Variants in OSBPL11 observed in about 807,000 individuals in gnomAD.
OSBPL11 encodes the protein oxysterol-binding protein-related protein 11.
In OSBPL11, 33 loss-of-function variants were observed where a neutral mutation model predicts 84.4. The observed-to-expected ratio is 0.39, with a 90% CI of 0.30 to 0.52. The LOEUF is 0.52. Among genes scored for constraint, OSBPL11 ranks in the 20% least tolerant of loss-of-function variants. The pLI is 0.72. For missense variants in OSBPL11, 736 were observed against 901.1 expected (o/e 0.82, Z 2.35); for synonymous variants, 276 against 310.2 (o/e 0.89, Z 1.16).
At chr3:125,567,238 T>C (rs746060436) in intron 6 of OSBPL11, among the ~76,000 whole-genome samples, 156 bp downstream of exon 6, 2 of 152,220 alleles carry the variant, frequency 1.3e-5, no homozygotes, top group Non-Finnish European at 2.9e-5. Context: ...CATTAAGAAT[T>C]TGTATAACAT....
At chr3:125,545,622 G>A (rs1935800885) in intron 10 of OSBPL11, among the ~76,000 whole-genome samples, 1 of 151,960 alleles carries the variant, frequency 6.6e-6, no homozygotes, top group Admixed American at 6.6e-5. Flanking sequence ...GTATATATGT[G>A]TGTGTGTGTG....
At chr3:125,530,610 C>T in intron 12 of OSBPL11, 30 bp from the exon 13 acceptor site, 1 of 1,561,606 alleles carries the variant, frequency 6.4e-7, no homozygotes. Flanking sequence ...AAAGAATCAT[C>T]CCTCTAATAT....
chr3:125,560,430 A>G lies in OSBPL11; in HGVS notation c.1104T>C (p.Ser368=), dbSNP rs770832105. 5 of 1,607,362 alleles carry G rather than the reference A, an allele frequency of 3.1e-6. No individual in the cohort carries two copies. The East Asian group carries it at 6.7e-5, about 22-fold the overall frequency. Residue 368 remains serine, a synonymous_variant, in exon 8 of 13, where the codon AGT becomes AGC. Coordinates refer to ENST00000296220, the MANE Select transcript of OSBPL11 (RefSeq NM_022776.5). ...DDLGAVEEQR[S]VILHLLSQLK... ...GCTGTGACAAGAGATGTAGGATGAC[A>G]CTACGTTGTTCTTCTACAGCTCCCA...
At chr3:125,540,705 C>T (rs1935716402) in intron 10 of OSBPL11, among the ~76,000 whole-genome samples, 1 of 152,188 alleles carries the variant, frequency 6.6e-6, no homozygotes, top group East Asian at 1.9e-4. Context: ...TACCATAGCG[C>T]ATCTCTCAAG....
rs150272448 is a variant in OSBPL11 at position 125,584,890 on chromosome 3, C to T, written c.165-1912G>A. On this transcript the variant is annotated intron_variant, in intron 1 of 12. Coordinates refer to ENST00000296220, the MANE Select transcript of OSBPL11 (RefSeq NM_022776.5). The stretch of plus-strand genomic sequence containing the variant: ...TTTAACAGCTCAAGTGACCCTCCTA[C>T]CTCAGCATCTGAGTAGCTGCAACTA... Among the ~76,000 whole-genome samples, 321 of 152,254 alleles carry T rather than the reference C, an allele frequency of 2.1e-3. 1 individual carries two copies. The highest frequency in any genetic ancestry group is 7.2e-3 in the African/African-American group (299 of 41,546).
At position 125,552,160 on chromosome 3, in the gene OSBPL11, TAA is replaced by T; in HGVS notation, c.1654+19_1654+20del. On this transcript the variant is annotated intron_variant, in intron 9 of 12. Transcript: ENST00000296220. Reference sequence around the variant, plus strand: ...GTGTGTGTATATATATATATATATATAAAATAATTTTTCTACTTACCTTCTCC... The same window carrying T: ...GTGTGTGTATATATATATATATATATAATAATTTTTCTACTTACCTTCTCC... The T allele has an allele frequency of 1.5e-6, 2 of 1,302,216 alleles. No homozygotes were observed. The highest frequency in any genetic ancestry group is 1.0e-6 in the Non-Finnish European group (1 of 973,890). The allele number at this position is 1,302,216 out of a possible 1,614,324, so 80.7% of individuals were successfully genotyped here.
rs758555328 is a variant in OSBPL11 at position 125,560,562 on chromosome 3, A to C, written c.1015-43T>G. On this transcript the variant is annotated intron_variant, in intron 7 of 12. Transcript: ENST00000296220. Reference sequence around the variant, plus strand: ...CAAAAGTCTAGTATTTTAACTACCTATTCATATCCATTGAGAACAAAACAA... The same window carrying C: ...CAAAAGTCTAGTATTTTAACTACCTCTTCATATCCATTGAGAACAAAACAA... 12 of 1,454,600 alleles carry C rather than the reference A, an allele frequency of 8.2e-6. No homozygotes were observed. In the East Asian group the frequency reaches 2.2e-4, roughly 27 times the overall value. The allele number at this position is 1,454,600 out of a possible 1,614,324, so 90.1% of individuals were successfully genotyped here. A position where few individuals can be genotyped will look rare whatever the true frequency, so the allele number is the denominator to read the frequency against.
chr3:125,586,659 C>T (rs575898782), intron 1 of OSBPL11, among the ~76,000 whole-genome samples: 4 of 151,944 alleles, frequency 2.6e-5, no homozygotes, highest in Admixed American at 6.6e-5. Context: ...AGTACAGGTG[C>T]GTGTGTGCCA....
intron 7 of OSBPL11, among the ~76,000 whole-genome samples, chr3:125,562,443 C>T (rs938395631): frequency 2.6e-5 from 4 of 152,138 alleles, no homozygotes; most frequent in African/African-American, 7.2e-5. Context: ...GTTTTTTCTT[C>T]TCCCCTGCCA....
chr3:125,564,656 C>T (rs1936129597), intron 6 of OSBPL11, among the ~76,000 whole-genome samples: 2 of 148,336 alleles, frequency 1.3e-5, no homozygotes, highest in South Asian at 4.2e-4. Context: ...AATGTATTAT[C>T]CTTTTTTTTT....
chr3:125,538,398 A>G (rs1478892657), intron 11 of OSBPL11, 53 bp downstream of exon 11: 1 of 1,548,910 alleles, frequency 6.5e-7, no homozygotes, highest in South Asian at 1.2e-5. Context: ...AAAGGCTTAG[A>G]TTAAGATGCA....
At chr3:125,535,930 C>T (rs2107586904) in intron 11 of OSBPL11, among the ~76,000 whole-genome samples, 1 of 151,454 alleles carries the variant, frequency 6.6e-6, no homozygotes, top group Admixed American at 6.6e-5. Context: ...ATCAGGAGTT[C>T]AAGACCAGCC....
At chr3:125,582,454 A>G (rs1936443537) in intron 2 of OSBPL11, among the ~76,000 whole-genome samples, 1 of 152,212 alleles carries the variant, frequency 6.6e-6, no homozygotes, top group African/African-American at 2.4e-5. Context: ...CCACAACTAC[A>G]ATTCTATAAA....
chr3:125,571,949 A>C (rs1936249136), intron 5 of OSBPL11, among the ~76,000 whole-genome samples: 1 of 152,198 alleles, frequency 6.6e-6, no homozygotes, highest in African/African-American at 2.4e-5. Context: ...AGAATGTTAG[A>C]TCCACTGACA....
At position 125,531,892 on chromosome 3, in the gene OSBPL11, G is replaced by A; in HGVS notation, c.2147C>T (p.Thr716Ile). 6.2e-7 allele frequency: 1 copy of A among 1,613,628 alleles called. No homozygotes were observed. Among genetic ancestry groups the A allele is most frequent in the Non-Finnish European group, 8.5e-7 (1 of 1,179,884 alleles). The change falls in exon 12 of 13, where the codon ACA (threonine) becomes ATA (isoleucine). Residue 716 changes from threonine to isoleucine, a missense_variant. This residue lies in a region of OSBPL11 where 579 missense variants were observed against 717.6 expected (regional missense o/e 0.81). Transcript: ENST00000296220. ...TEERHRTETG[T>I]PWKTKYFIKE... is the part of the protein sequence containing the mutation. Reference sequence around the variant, plus strand: ...AATAAAATATTTGGTTTTCCAAGGTGTGCCTGTTTCAGTACGATGCCTTTC... The same window carrying A: ...AATAAAATATTTGGTTTTCCAAGGTATGCCTGTTTCAGTACGATGCCTTTC...
chr3:125,531,236 C>T (rs549341861), intron 12 of OSBPL11, among the ~76,000 whole-genome samples: 1 of 151,028 alleles, frequency 6.6e-6, no homozygotes, highest in African/African-American at 2.4e-5. Context: ...CCTCGGCCTC[C>T]CAAAGTGCTG....
At chr3:125,572,680 G>A (rs1191075387) in intron 5 of OSBPL11, among the ~76,000 whole-genome samples, 2 of 151,650 alleles carry the variant, frequency 1.3e-5, no homozygotes, top group African/African-American at 4.8e-5. Flanking sequence ...TCCCCTCCTT[G>A]CCTTCCGCCA....
At chr3:125,579,610 A>G (rs1936389710) in intron 3 of OSBPL11, among the ~76,000 whole-genome samples, 1 of 152,240 alleles carries the variant, frequency 6.6e-6, no homozygotes, top group Non-Finnish European at 1.5e-5. Flanking sequence ...CTAGATTTTC[A>G]GTAATCAGAG....
At chr3:125,534,415 G>C (rs1342630239) in intron 11 of OSBPL11, among the ~76,000 whole-genome samples, 1 of 149,364 alleles carries the variant, frequency 6.7e-6, no homozygotes, top group African/African-American at 2.5e-5. Flanking sequence ...CATTTACCAA[G>C]ACAGAACATA....
Sources: allele counts gnomAD v4.1 joint callset (sites outside exome capture counted in the v4.1 genomes callset), GRCh38; gene constraint gnomAD v4.1.1; regional missense constraint gnomAD v4.1.1; transcripts MANE v1.5; gene names NCBI Gene and HGNC (gene_info 2026-07-23, HGNC 2026-07-21).